Variants in DNMT3L observed in about 807,000 individuals in gnomAD.
DNMT3L encodes the protein DNA (cytosine-5)-methyltransferase 3-like.
In DNMT3L, 33 loss-of-function variants were observed where a neutral mutation model predicts 36.2. That is an observed-to-expected ratio of 0.91 (90% CI 0.69 to 1.22). DNMT3L has a LOEUF of 1.22. Among genes scored for constraint, DNMT3L ranks in the 50% most tolerant of loss-of-function variants. DNMT3L has a pLI of 0.00. For missense variants in DNMT3L, 310 were observed against 303.1 expected, an observed-to-expected ratio of 1.02 and a Z score of -0.17; for synonymous variants, 117 against 121.7, an observed-to-expected ratio of 0.96 and a Z score of 0.26.
chr21:44,255,487 CA>C (rs565148091), intron 7 of DNMT3L, among the ~76,000 whole-genome samples: 82 of 133,744 alleles, frequency 6.1e-4, no homozygotes, highest in African/African-American at 2.5e-3. Context: ...GCCTGGGCAA[CA>C]GAGCGAGACT....
At chr21:44,260,099 C>T (rs2040303713) in intron 3 of DNMT3L, among the ~76,000 whole-genome samples, 1 of 147,528 alleles carries the variant, frequency 6.8e-6, no homozygotes, top group South Asian at 2.2e-4. Context: ...GTTAAAATAG[C>T]ATGAGTCCCC....
At chr21:44,254,226 G>A (rs894479842) in intron 8 of DNMT3L, among the ~76,000 whole-genome samples, 19 of 152,210 alleles carry the variant, frequency 1.2e-4, no homozygotes, top group African/African-American at 4.6e-4. Flanking sequence ...TTTAGAGGGT[G>A]GAGTGGGGGT....
Position 44,258,681 on chromosome 21 carries a change from C to T in DNMT3L, c.358G>A (p.Glu120Lys), listed in dbSNP as rs374597372. ...NPDCTRCYCF[E>K]CVDSLVGPGT... ...GGGCCGACCAGGCTATCCACACACT[C>T]GAAGCAGTAGCATCTAAGGCCAGAC... Residue 120 changes from glutamate (E) to lysine (K), a missense_variant, in exon 6 of 12, where the codon GAG (glutamate) becomes AAG (lysine). Physicochemically the swap from Glu to Lys is moderately conservative, Grantham distance 56. Transcript: ENST00000628202. This position sits in a 1 kb window ranked among gnomAD's most constrained non-coding sequence, Gnocchi z 6.2. 1.2e-5 allele frequency: 19 copies of T among 1,612,620 alleles called. No individual in the cohort carries two copies. Among genetic ancestry groups the T allele is most frequent in the African/African-American group, 2.7e-5 (2 of 74,946 alleles).
intron 7 of DNMT3L, 123 bp downstream of exon 7, chr21:44,255,944 A>C: frequency 1.0e-6 from 1 of 957,850 alleles, no homozygotes; most frequent in Non-Finnish European, 1.6e-6. Context: ...GGGGAAGGGT[A>C]CAGGACATCA....
chr21:44,257,038 G>A (rs534008288), intron 6 of DNMT3L, among the ~76,000 whole-genome samples: 4 of 152,204 alleles, frequency 2.6e-5, no homozygotes, highest in African/African-American at 7.2e-5. Flanking sequence ...CTCACCGGGG[G>A]CCACACCCCT....
At chr21:44,255,826 C>T (rs544468354) in intron 7 of DNMT3L, among the ~76,000 whole-genome samples, 8 of 152,208 alleles carry the variant, frequency 5.3e-5, no homozygotes, top group East Asian at 3.8e-4. Flanking sequence ...ACATCCCTAA[C>T]GGCCAGAGGA....
At chr21:44,259,048 G>A (rs965390160) in intron 5 of DNMT3L, among the ~76,000 whole-genome samples, 3 of 152,100 alleles carry the variant, frequency 2.0e-5, no homozygotes, top group African/African-American at 7.2e-5. Flanking sequence ...TGAGGAGTGG[G>A]GAGCTGTAAA....
At chr21:44,253,694 G>A (rs1465121193) in intron 8 of DNMT3L, among the ~76,000 whole-genome samples, 12 of 152,110 alleles carry the variant, frequency 7.9e-5, no homozygotes, top group Non-Finnish European at 1.8e-4. Context: ...ACTCTAGCCT[G>A]GGCAACAGAG....
chr21:44,261,356 G>T (rs2040317433), intron 1 of DNMT3L, 90 bp from the exon 2 acceptor site: 1 of 1,294,090 alleles, frequency 7.7e-7, no homozygotes. Context: ...GCAGCTTGCT[G>T]AGCAGACCTT....
chr21:44,254,604 C>T lies in DNMT3L; in HGVS notation c.693+13G>A, dbSNP rs547404790. ...TCCCACTACAGTGTCTGAGAGTTCA[C>T]GGCGGTACTCACATCCTTCCTCACT... On this transcript the variant is annotated intron_variant, in intron 8 of 11. Transcript: ENST00000628202. 57 of 1,613,116 alleles carry T rather than the reference C, an allele frequency of 3.5e-5. No homozygotes were observed. The highest frequency in any genetic ancestry group is 2.2e-4 in the East Asian group (10 of 44,814).
intron 6 of DNMT3L, among the ~76,000 whole-genome samples, chr21:44,257,064 C>T (rs1269535135): frequency 6.6e-6 from 1 of 152,178 alleles, no homozygotes. Context: ...AGGAGCTTCC[C>T]GTGGCTGGCC....
At chr21:44,256,772 G>T (rs1336333438) in intron 6 of DNMT3L, among the ~76,000 whole-genome samples, 1 of 152,072 alleles carries the variant, frequency 6.6e-6, no homozygotes, top group Non-Finnish European at 1.5e-5. Flanking sequence ...GGGCTAGGCG[G>T]GCAGCCAGCT....
rs190039356 is a variant in DNMT3L at position 44,256,517 on chromosome 21, C to T, written c.517-363G>A. ...TGGCTCACTGCAACTTTCCGCCTCC[C>T]GGGTTCAAGCGATTCTCCTGCTTCA... On this transcript the variant is annotated intron_variant, in intron 6 of 11. Transcript: ENST00000628202. Among the ~76,000 whole-genome samples the T allele has an allele frequency of 1.7e-3, 265 of 151,736 alleles. 2 individuals are homozygous for T. The highest frequency in any genetic ancestry group is 5.6e-3 in the African/African-American group (230 of 41,328).
intron 7 of DNMT3L, among the ~76,000 whole-genome samples, chr21:44,255,253 G>A (rs2040247823): frequency 1.3e-5 from 2 of 152,092 alleles, no homozygotes; most frequent in South Asian, 2.1e-4. Flanking sequence ...GGGCACAGAC[G>A]CTCAAGCCTG....
At position 44,261,045 on chromosome 21, in the gene DNMT3L, G is replaced by A. The variant is rs141705594; in HGVS notation, c.106+109C>T. 1.7e-4 allele frequency: 249 copies of A among 1,432,148 alleles called. No individual in the cohort carries two copies. The East Asian group carries it at 2.2e-3, about 12-fold the overall frequency. 88.7% of individuals were successfully genotyped at this position (1,432,148 alleles called of 1,614,324 possible). A position where few individuals can be genotyped will look rare whatever the true frequency, so the allele number is the denominator to read the frequency against. On this transcript the variant is annotated intron_variant, in intron 2 of 11. Coordinates refer to ENST00000628202, the MANE Select transcript of DNMT3L (RefSeq NM_175867.3). ...GGTGGGGAACCTCCTGCCCCAGCCC[G>A]GGTGCCTGAATAATGCATGAATACT...
chr21:44,259,298 G>T, intron 5 of DNMT3L, 139 bp downstream of exon 5: 3 of 851,502 alleles, frequency 3.5e-6, no homozygotes, highest in Non-Finnish European at 5.6e-6. Context: ...GCCAAATGAC[G>T]CATTGGAGAC....
intron 7 of DNMT3L, among the ~76,000 whole-genome samples, chr21:44,255,445 C>T (rs577616991): frequency 6.0e-5 from 9 of 149,580 alleles, no homozygotes; most frequent in Admixed American, 2.7e-4. Context: ...TGGTTGAACC[C>T]GGGGGGCAGA....
rs2040282898 is a variant in DNMT3L at position 44,258,463 on chromosome 21, G to C, written c.516+60C>G. 1 of 1,482,598 alleles carries C rather than the reference G, an allele frequency of 6.7e-7. No individual in the cohort carries two copies. Among genetic ancestry groups the C allele is most frequent in the African/African-American group, 1.4e-5 (1 of 71,172 alleles). The allele number at this position is 1,482,598 out of a possible 1,614,324, so 91.8% of individuals were successfully genotyped here. On this transcript the variant is annotated intron_variant, in intron 6 of 11. Coordinates refer to ENST00000628202, the MANE Select transcript of DNMT3L (RefSeq NM_175867.3). This position sits in a 1 kb window ranked among gnomAD's most constrained non-coding sequence, Gnocchi z 6.2. ...GCCTGCATTCTGCAGCGGGAACCGA[G>C]GGAAGGCCGTAAGTCAGGGCCTGCT...
In DNMT3L at chr21:44,258,522, C is replaced by G; in HGVS notation, c.516+1G>C. The G allele has an allele frequency of 6.4e-7, 1 of 1,559,284 alleles. No individual in the cohort carries two copies. ...GTGCTGCCCCTCCACGGGCTCCTTA[C>G]CGACTCTCGGTCGTAGAAGGCCTTG... On this transcript the variant is annotated splice_donor_variant, in intron 6 of 11. Coordinates refer to ENST00000628202, the MANE Select transcript of DNMT3L (RefSeq NM_175867.3). LOFTEE classifies it high-confidence loss of function. This position sits in a 1 kb window ranked among gnomAD's most constrained non-coding sequence, Gnocchi z 6.2.
Sources: allele counts gnomAD v4.1 joint callset (sites outside exome capture counted in the v4.1 genomes callset), GRCh38; gene constraint gnomAD v4.1.1; non-coding constraint Gnocchi (gnomAD v3.1); transcripts MANE v1.5; gene names NCBI Gene and HGNC (gene_info 2026-07-23, HGNC 2026-07-21).